Variants in NPLOC4 observed in about 807,000 individuals in gnomAD.
NPLOC4 encodes the protein NPL4 homolog, ubiquitin recognition factor, also known as nuclear protein localization protein 4 homolog.
A neutral mutation model predicts 80.6 loss-of-function variants in NPLOC4; 18 were observed. The observed-to-expected ratio is 0.22, with a 90% CI of 0.15 to 0.33. The LOEUF is 0.33. NPLOC4 is among the 10% of genes least tolerant of loss of function. NPLOC4 has a pLI of 1.00. For synonymous variants in NPLOC4, 313 were observed against 301.5 expected, an observed-to-expected ratio of 1.04 and a Z score of -0.39; for missense variants, 540 against 786.1, an observed-to-expected ratio of 0.69 and a Z score of 3.74.
intron 16 of NPLOC4, chr17:81,564,010 G>A (rs1247302392): frequency 2.3e-6 from 1 of 442,364 alleles, no homozygotes; most frequent in Non-Finnish European, 4.5e-6. Context: ...CAACCCAGGA[G>A]GCAGAGTTTG....
Position 81,559,071 on chromosome 17 carries a change from G to GT in NPLOC4, c.*187dup, listed in dbSNP as rs2033753796. ...GCATTCAGCCTGCAGAATACCAGCC[G>GT]TGGCGCCCGCTCTCCAGGGAGGAAC... On this transcript the variant is annotated 3_prime_UTR_variant, in exon 17 of 17. Transcript: ENST00000331134. The GT allele has an allele frequency of 1.6e-6, 1 of 619,278 alleles. No homozygotes were observed. The highest frequency in any genetic ancestry group is 2.7e-6 in the Non-Finnish European group (1 of 364,618). 38.4% of individuals were successfully genotyped at this position (619,278 alleles called of 1,614,324 possible).
Position 81,605,824 on chromosome 17 carries a change from CT to C in NPLOC4, c.654+866del, listed in dbSNP as rs766106515. ...CTAGGGCAAAAAACAAACACATTTT[CT>C]TTTTTTTTTTTTTTGAGACGGAGTC... On this transcript the variant is annotated intron_variant, in intron 7 of 16. Coordinates refer to ENST00000331134, the MANE Select transcript of NPLOC4 (RefSeq NM_017921.4). Among the ~76,000 whole-genome samples the C allele has an allele frequency of 7.2e-3, 1,021 of 141,018 alleles. 25 individuals carry two copies. The highest frequency in any genetic ancestry group is 0.02 in the African/African-American group (790 of 38,706). 92.5% of individuals were successfully genotyped at this position (141,018 alleles called of 152,430 possible).
chr17:81,618,193 A>G (rs1026276961), intron 3 of NPLOC4, among the ~76,000 whole-genome samples: 1 of 141,320 alleles, frequency 7.1e-6, no homozygotes, highest in African/African-American at 2.7e-5. Flanking sequence ...CCCGGCCGCC[A>G]TCCCATCTAG....
intron 3 of NPLOC4, among the ~76,000 whole-genome samples, chr17:81,618,415 G>C (rs1054195137): frequency 2.0e-5 from 3 of 151,244 alleles, no homozygotes; most frequent in African/African-American, 7.3e-5. Flanking sequence ...GAGCCCCTCC[G>C]CCCCGCAGCC....
At chr17:81,573,423 C>T (rs7405450) in intron 12 of NPLOC4, 93,778 of 151,848 alleles carry the variant, frequency 0.62, 30,934 homozygotes, top group Non-Finnish European at 0.73. Flanking sequence ...AAGTCCATTA[C>T]CCTAATGAGA....
chr17:81,622,399 C>A (rs1327828995), intron 2 of NPLOC4, 121 bp from the exon 3 acceptor site: 2 of 732,394 alleles, frequency 2.7e-6, no homozygotes, highest in Non-Finnish European at 4.7e-6. Flanking sequence ...CATCATTTAC[C>A]AAATTCCTCT....
rs767370500 is a variant in NPLOC4, at chr17:81,569,025, A to C, written c.1440T>G (p.Gly480=). 1 of 1,601,380 alleles carries C rather than the reference A, an allele frequency of 6.2e-7. No homozygotes were observed. Among genetic ancestry groups the C allele is most frequent in the South Asian group, 1.1e-5 (1 of 90,794 alleles). The part of the protein sequence containing the change: ...PFPIENRDVL[G]ETQDFHSLAT... ...AAGACAAAGAGCTCACCTGTGTCTC[A>C]CCCAATACATCCCGGTTTTCAATAG... The change falls in exon 14 of 17, where the codon GGT becomes GGG. Residue 480 remains glycine (G), a synonymous_variant. Transcript: ENST00000331134.
In NPLOC4 at chr17:81,600,385, C is replaced by A; in HGVS notation, c.877G>T (p.Ala293Ser). Residue 293 changes from alanine to serine, a missense_variant, in exon 9 of 17, where the codon GCT (alanine) becomes TCT (serine). By Grantham distance (99) the Ala-to-Ser change is moderately conservative. Transcript: ENST00000331134. ...GCAGCAATTTCATCGACCACTTCAG[C>A]TTTTGGATCCTCAAGAAGCTCCAAG... ...NSLELLEDPK[A>S]EVVDEIAAKL... The A allele has an allele frequency of 6.2e-7, 1 of 1,612,822 alleles. No individual in the cohort carries two copies. The highest frequency in any genetic ancestry group is 8.5e-7 in the Non-Finnish European group (1 of 1,179,472).
chr17:81,634,286 C>A (rs921229990), intron 1 of NPLOC4, among the ~76,000 whole-genome samples: 3 of 152,108 alleles, frequency 2.0e-5, no homozygotes, highest in African/African-American at 4.8e-5. Flanking sequence ...CAGGTGTGAG[C>A]CACCATGCCC....
At chr17:81,587,524 C>G (rs1339908693) in intron 12 of NPLOC4, among the ~76,000 whole-genome samples, 1 of 149,644 alleles carries the variant, frequency 6.7e-6, no homozygotes, top group Non-Finnish European at 1.5e-5. Flanking sequence ...ACCGTGTTAG[C>G]CAGGATGGTC....
intron 8 of NPLOC4, 130 bp downstream of exon 8, chr17:81,604,418 G>T (rs1264092940): frequency 2.7e-6 from 2 of 734,926 alleles, no homozygotes; most frequent in Non-Finnish European, 4.4e-6. Flanking sequence ...AGAAAATGTT[G>T]TGCACGTGCA....
In NPLOC4 at chr17:81,559,401, T is replaced by C. The variant is rs1598609196; in HGVS notation, c.1685A>G (p.Gln562Arg). 1 of 1,610,278 alleles carries C rather than the reference T, an allele frequency of 6.2e-7. No individual in the cohort carries two copies. The highest frequency in any genetic ancestry group is 8.5e-7 in the Non-Finnish European group (1 of 1,178,526). The change falls in exon 17 of 17, where the codon CAG (glutamine) becomes CGG (arginine). Residue 562 changes from glutamine (Q) to arginine (R), a missense_variant. Around this residue, in one of 6 missense-constraint regions of NPLOC4, gnomAD observed 87 missense variants for 70.3 expected, o/e 1.24. Coordinates refer to ENST00000331134, the MANE Select transcript of NPLOC4 (RefSeq NM_017921.4). The part of the protein sequence containing the change: ...IEQLCSTVGG[Q>R]LPGLHEYGAV... ...GCCGTACTCATGGAGACCTGGGAGC[T>C]GCCCGCCAACTGTGCCTGCAGGGTG...
rs1344983286 is a variant in NPLOC4, at chr17:81,580,916, C to A, written c.1281+8028G>T. Reference sequence around the variant, plus strand: ...CAGCTCTGAAGGGCCCAGGGCCAGCCTCCCATGCCCACAGCTGGGGGCCTG... The same window carrying A: ...CAGCTCTGAAGGGCCCAGGGCCAGCATCCCATGCCCACAGCTGGGGGCCTG... On this transcript the variant is annotated intron_variant, in intron 12 of 16. Coordinates refer to ENST00000331134, the MANE Select transcript of NPLOC4 (RefSeq NM_017921.4). This position sits in a 1 kb window ranked among gnomAD's most constrained non-coding sequence, Gnocchi z 4.4. Among the ~76,000 whole-genome samples, 3 of 152,360 alleles carry A rather than the reference C, an allele frequency of 2.0e-5. No individual in the cohort carries two copies. The highest frequency in any genetic ancestry group is 6.8e-3 in the Middle Eastern group (2 of 294).
At chr17:81,586,545 G>A (rs1431447101) in intron 12 of NPLOC4, among the ~76,000 whole-genome samples, 1 of 151,688 alleles carries the variant, frequency 6.6e-6, no homozygotes, top group Non-Finnish European at 1.5e-5. Context: ...AAGGGGCGGA[G>A]GCTGCAGTGG....
chr17:81,568,498 G>A lies in NPLOC4; in HGVS notation c.1449+518C>T, dbSNP rs912334697. On this transcript the variant is annotated intron_variant, in intron 14 of 16. Transcript: ENST00000331134. The stretch of plus-strand genomic sequence containing the variant: ...TGTCTGTTAGCAAGTTATGATTTAA[G>A]AACAACCATGTGTACACAGCCTGTC... Among the ~76,000 whole-genome samples the A allele has an allele frequency of 1.1e-4, 17 of 152,322 alleles. 1 individual carries two copies. Among genetic ancestry groups the A allele is most frequent in the East Asian group, 3.9e-4 (2 of 5,178 alleles).
chr17:81,604,957 T>C (rs2035160762), intron 7 of NPLOC4, among the ~76,000 whole-genome samples: 1 of 152,114 alleles, frequency 6.6e-6, no homozygotes, highest in Non-Finnish European at 1.5e-5. Flanking sequence ...AGACCCCTTG[T>C]ATCTTAAAAA....
In NPLOC4 at chr17:81,604,746, T is replaced by A. The variant is rs555836020; in HGVS notation, c.655-19A>T. 8 of 1,592,928 alleles carry A rather than the reference T, an allele frequency of 5.0e-6. No homozygotes were observed. In the African/African-American group the frequency reaches 9.4e-5, roughly 19 times the overall value. ...TGTACTTCTGTAGAGTTAACAAGAG[T>A]GGGCTGATGAAAACATGCCATCAAA... On this transcript the variant is annotated intron_variant, in intron 7 of 16. Transcript: ENST00000331134.
chr17:81,558,937 GC>G lies in NPLOC4; in HGVS notation c.*321del. Reference sequence around the variant, plus strand: ...TGGCAGCATCGGCCCCTCCCTGTGCGCCCCAATTCCAGGTGCCACGTAGAGG... The same window carrying G: ...TGGCAGCATCGGCCCCTCCCTGTGCGCCCAATTCCAGGTGCCACGTAGAGG... On this transcript the variant is annotated 3_prime_UTR_variant, in exon 17 of 17. Coordinates refer to ENST00000331134, the MANE Select transcript of NPLOC4 (RefSeq NM_017921.4). 4.2e-6 allele frequency: 1 copy of G among 239,980 alleles called. No individual in the cohort carries two copies. The highest frequency in any genetic ancestry group is 8.0e-6 in the Non-Finnish European group (1 of 124,804). 14.9% of individuals were successfully genotyped at this position (239,980 alleles called of 1,614,324 possible). A position where few individuals can be genotyped will look rare whatever the true frequency, so the allele number is the denominator to read the frequency against.
rs1346476745 is a variant in NPLOC4 at position 81,559,239 on chromosome 17, G to A, written c.*20C>T. On this transcript the variant is annotated 3_prime_UTR_variant, in exon 17 of 17. Transcript: ENST00000331134. ...AAGGGCTGGGCTGGGCCCGGTCCTA[G>A]CCAGCAGAGGGCAGGCGCCCTAGGT... The A allele has an allele frequency of 1.3e-6, 2 of 1,587,694 alleles. No homozygotes were observed. The highest frequency in any genetic ancestry group is 1.3e-5 in the African/African-American group (1 of 74,430).
Sources: gnomAD v4.1 joint callset for allele counts (sites outside exome capture counted in the v4.1 genomes callset) on GRCh38, gnomAD v4.1.1 for gene constraint, gnomAD v4.1.1 regional missense constraint, Gnocchi (gnomAD v3.1) non-coding constraint, MANE v1.5 for transcripts, NCBI Gene and HGNC (gene_info 2026-07-23, HGNC 2026-07-21) for gene names.